The following TMEM266 variants were observed in gnomAD, a reference collection of about 807,000 sequenced individuals.
TMEM266 encodes the protein transmembrane protein 266.
In TMEM266, 33 loss-of-function variants were observed where a neutral mutation model predicts 50.5. The ratio of observed to expected loss-of-function variants is 0.65; its 90% CI spans 0.50 to 0.87. TMEM266 has a LOEUF of 0.87. Among genes scored for constraint, TMEM266 ranks in the 40% least tolerant of loss-of-function variants. The pLI, the probability that TMEM266 is intolerant of heterozygous loss-of-function variation, is 0.00. For synonymous variants in TMEM266, 310 were observed against 292.3 expected (o/e 1.06, Z -0.62); for missense variants, 655 against 695.1 (o/e 0.94, Z 0.65).
chr15:76,085,578 A>G (rs2036765029), intron 1 of TMEM266, among the ~76,000 whole-genome samples: 1 of 152,188 alleles, frequency 6.6e-6, no homozygotes, highest in African/African-American at 2.4e-5. Context: ...CATTTTCAAA[A>G]GACCTCTTTA....
intron 1 of TMEM266, chr15:76,112,193 G>C (rs2142012289): frequency 6.6e-6 from 1 of 152,164 alleles, no homozygotes; most frequent in East Asian, 1.9e-4. Context: ...TAGCTCTACT[G>C]TTCTGTATGA....
chr15:76,115,073 C>A (rs1381923190), intron 1 of TMEM266, among the ~76,000 whole-genome samples: 1 of 152,154 alleles, frequency 6.6e-6, no homozygotes, highest in Non-Finnish European at 1.5e-5. Context: ...GAGTTTGAGA[C>A]CAGCCTGGGC....
intron 1 of TMEM266, among the ~76,000 whole-genome samples, chr15:76,081,206 G>A (rs144980046): frequency 1.1e-4 from 17 of 152,354 alleles, no homozygotes; most frequent in South Asian, 4.1e-4. Flanking sequence ...GCAAGTCTCC[G>A]TGTTACTTTT....
intron 8 of TMEM266, among the ~76,000 whole-genome samples, chr15:76,187,460 C>A (rs2038504071): frequency 6.6e-6 from 1 of 152,224 alleles, no homozygotes; most frequent in Non-Finnish European, 1.5e-5. Context: ...GGAGGGGCTC[C>A]CCCAGCAGAG....
chr15:76,085,924 T>C (rs1056137815), intron 1 of TMEM266, among the ~76,000 whole-genome samples: 9 of 152,002 alleles, frequency 5.9e-5, no homozygotes. Context: ...GGTGCACGCC[T>C]TTAGTTCCAG....
rs575927736 is a variant in TMEM266 at position 76,153,447 on chromosome 15, C to T, written c.228-3157C>T. On this transcript the variant is annotated intron_variant, in intron 3 of 10. Coordinates refer to ENST00000388942, the MANE Select transcript of TMEM266 (RefSeq NM_152335.3). This position sits in a 1 kb window ranked among gnomAD's most constrained non-coding sequence, Gnocchi z 4.2. ...GGCCCTGGCAGCTGCCCTTTTTATT[C>T]ATAACCGCCTGAAGGTGCTTGGCTC... Among the ~76,000 whole-genome samples the T allele has an allele frequency of 5.3e-5, 8 of 152,340 alleles. No individual in the cohort carries two copies. Among genetic ancestry groups the T allele is most frequent in the African/African-American group, 1.9e-4 (8 of 41,584 alleles).
At chr15:76,070,863 A>G (rs896510722) in intron 1 of TMEM266, among the ~76,000 whole-genome samples, 1 of 152,150 alleles carries the variant, frequency 6.6e-6, no homozygotes, top group Admixed American at 6.5e-5. Flanking sequence ...CTCCAATGCT[A>G]GGCCACCAAA....
chr15:76,201,979 G>A (rs1331132413), intron 9 of TMEM266, among the ~76,000 whole-genome samples: 3 of 152,168 alleles, frequency 2.0e-5, no homozygotes, highest in Non-Finnish European at 4.4e-5. Context: ...TAAGGCAGAT[G>A]CTTCATCAGA....
chr15:76,094,209 G>C (rs1192227802), intron 1 of TMEM266, among the ~76,000 whole-genome samples: 1 of 152,048 alleles, frequency 6.6e-6, no homozygotes, highest in African/African-American at 2.4e-5. Context: ...GTCCTAAATG[G>C]TATTGCCCAG....
In TMEM266 at chr15:76,134,212, G is replaced by A. The variant is rs1361352776; in HGVS notation, c.-52G>A. On this transcript the variant is annotated 5_prime_UTR_variant, in exon 2 of 11. An upstream start codon of the reference 5' UTR is lost. Transcript: ENST00000388942. The stretch of plus-strand genomic sequence containing the variant: ...TCTTGTAGAACCCACGCTTGGAAAT[G>A]CTGACAGCAGGCTTCAGGACAGCTG... 3 of 1,595,900 alleles carry A rather than the reference G, an allele frequency of 1.9e-6. No homozygotes were observed. The African/African-American group carries it at 4.0e-5, about 21-fold the overall frequency.
chr15:76,143,576 G>C (rs1047928772), intron 3 of TMEM266, among the ~76,000 whole-genome samples: 1 of 152,076 alleles, frequency 6.6e-6, no homozygotes, highest in Non-Finnish European at 1.5e-5. Context: ...AGCTGGTCTT[G>C]AACTCTTGGG....
At chr15:76,108,120 G>A (rs963385610) in intron 1 of TMEM266, among the ~76,000 whole-genome samples, 2 of 152,226 alleles carry the variant, frequency 1.3e-5, no homozygotes, top group African/African-American at 4.8e-5. Context: ...TTGCACGGGG[G>A]CACCACCCCC....
chr15:76,167,821 A>G (rs2038120677), intron 5 of TMEM266, among the ~76,000 whole-genome samples: 1 of 152,110 alleles, frequency 6.6e-6, no homozygotes, highest in African/African-American at 2.4e-5. Flanking sequence ...GTTCTTACAC[A>G]GCTGAGTACA....
At chr15:76,128,786 C>T (rs2037460913) in intron 1 of TMEM266, among the ~76,000 whole-genome samples, 1 of 152,210 alleles carries the variant, frequency 6.6e-6, no homozygotes, top group Non-Finnish European at 1.5e-5. Context: ...CCTCCCTCAT[C>T]TTTGCCCTTG....
At chr15:76,075,885 C>CTTTTT (rs2036600117) in intron 1 of TMEM266, among the ~76,000 whole-genome samples, 1 of 103,424 alleles carries the variant, frequency 9.7e-6, no homozygotes, top group African/African-American at 3.9e-5. Context: ...GAGACACGGG[C>CTTTTT]TTTTTTTGTG....
intron 1 of TMEM266, among the ~76,000 whole-genome samples, chr15:76,076,377 G>C (rs1031636757): frequency 2.0e-5 from 3 of 151,960 alleles, no homozygotes; most frequent in Non-Finnish European, 4.4e-5. Flanking sequence ...TCCTTCTCTT[G>C]GACCCTCAAG....
chr15:76,084,981 C>T (rs1174168204), intron 1 of TMEM266, among the ~76,000 whole-genome samples: 3 of 142,250 alleles, frequency 2.1e-5, no homozygotes, highest in East Asian at 2.1e-4. Context: ...TTTATTGAGA[C>T]AAGAGTCTCA....
At chr15:76,078,868 A>G (rs1042932211) in intron 1 of TMEM266, among the ~76,000 whole-genome samples, 10 of 152,246 alleles carry the variant, frequency 6.6e-5, no homozygotes, top group African/African-American at 2.2e-4. Context: ...AGGTGCTGGC[A>G]GGGCCACACT....
intron 1 of TMEM266, among the ~76,000 whole-genome samples, chr15:76,083,488 A>G (rs1177185070): frequency 6.6e-6 from 1 of 152,010 alleles, no homozygotes; most frequent in Non-Finnish European, 1.5e-5. Flanking sequence ...GAACAGTCCC[A>G]TATTCCCTTC....
Sources: gnomAD v4.1 joint callset for allele counts (sites outside exome capture counted in the v4.1 genomes callset) on GRCh38, gnomAD v4.1.1 for gene constraint, Gnocchi (gnomAD v3.1) non-coding constraint, MANE v1.5 for transcripts, NCBI Gene and HGNC (gene_info 2026-07-23, HGNC 2026-07-21) for gene names.